Variants in NRXN1 observed in about 807,000 individuals in gnomAD.
NRXN1 encodes neurexin 1.
A neutral mutation model predicts 150.9 loss-of-function variants in NRXN1; 39 were observed. The observed-to-expected ratio is 0.26, with a 90% CI of 0.20 to 0.34. The LOEUF (loss-of-function observed/expected upper bound fraction) is 0.34, where lower values mean the gene tolerates loss of function less well. NRXN1 is among the 10% of genes least tolerant of loss of function. The probability of loss-of-function intolerance (pLI) is 1.00; values close to 1 mark genes in which losing one functional copy is unlikely to be tolerated. For missense variants in NRXN1, 1,815 were observed against 1,949.9 expected, an observed-to-expected ratio of 0.93 and a Z score of 1.30; for synonymous variants, 924 against 757.0, an observed-to-expected ratio of 1.22 and a Z score of -3.62.
At chr2:50,008,545 G>A (rs895940083) in intron 21 of NRXN1, among the ~76,000 whole-genome samples, 3 of 149,726 alleles carry the variant, frequency 2.0e-5, no homozygotes, top group Non-Finnish European at 3.0e-5. Flanking sequence ...CTCACTGTGA[G>A]CTCCGAGGAT....
intron 17 of NRXN1, among the ~76,000 whole-genome samples, chr2:50,360,803 A>C (rs1393802632): frequency 2.0e-5 from 3 of 152,208 alleles, no homozygotes; most frequent in Non-Finnish European, 4.4e-5. Context: ...AAATCAACAG[A>C]ATATACATTC....
intron 8 of NRXN1, chr2:50,589,147 G>A (rs1471481394): frequency 6.6e-6 from 1 of 152,364 alleles, no homozygotes; most frequent in Non-Finnish European, 1.5e-5. Context: ...CAAGGTTGTG[G>A]TCTGTTAATA....
chr2:50,239,305 T>A (rs2065768369), intron 17 of NRXN1, among the ~76,000 whole-genome samples: 2 of 151,832 alleles, frequency 1.3e-5, no homozygotes, highest in East Asian at 1.9e-4. Context: ...TTTCCTTTTT[T>A]AAATTGGCTT....
intron 8 of NRXN1, among the ~76,000 whole-genome samples, chr2:50,573,680 T>C (rs1016847365): frequency 6.6e-6 from 1 of 151,660 alleles, no homozygotes; most frequent in Non-Finnish European, 1.5e-5. Flanking sequence ...TCAAAATATG[T>C]GATGGAGAAT....
chr2:50,146,199 C>A (rs1249517537), intron 18 of NRXN1, among the ~76,000 whole-genome samples: 1 of 151,528 alleles, frequency 6.6e-6, no homozygotes, highest in African/African-American at 2.4e-5. Flanking sequence ...TATGCATTTC[C>A]AAGTAGATTT....
intron 2 of NRXN1, among the ~76,000 whole-genome samples, chr2:51,009,544 T>G (rs545476265): frequency 1.3e-5 from 2 of 151,936 alleles, no homozygotes; most frequent in Admixed American, 1.3e-4. Flanking sequence ...CCATTATGCC[T>G]GCACAAATTT....
intron 5 of NRXN1, among the ~76,000 whole-genome samples, chr2:50,727,214 A>G (rs1256090387): frequency 6.6e-6 from 1 of 152,196 alleles, no homozygotes; most frequent in Non-Finnish European, 1.5e-5. Context: ...GATTATATTT[A>G]ATTTTTTTTC....
At chr2:50,074,003 T>C (rs1303358095) in intron 19 of NRXN1, among the ~76,000 whole-genome samples, 1 of 152,092 alleles carries the variant, frequency 6.6e-6, no homozygotes, top group African/African-American at 2.4e-5. Flanking sequence ...CTGGAAAGTA[T>C]GAGGGTATGA....
chr2:50,892,154 C>A (rs764400848), intron 5 of NRXN1, among the ~76,000 whole-genome samples: 74 of 151,944 alleles, frequency 4.9e-4, no homozygotes, highest in Non-Finnish European at 1.3e-4. Context: ...ACAGGGATTA[C>A]AATAAAGCAG....
intron 2 of NRXN1, among the ~76,000 whole-genome samples, chr2:50,956,549 A>G (rs1176857388): frequency 1.3e-5 from 2 of 151,868 alleles, no homozygotes; most frequent in East Asian, 3.9e-4. Flanking sequence ...AGAGTTCAAA[A>G]CCAGCCTGGC....
chr2:50,607,661 A>G (rs1189376171), intron 8 of NRXN1, among the ~76,000 whole-genome samples: 1 of 152,166 alleles, frequency 6.6e-6, no homozygotes, highest in Non-Finnish European at 1.5e-5. Context: ...ATGATAATTA[A>G]CCAAAGTAAA....
At chr2:50,982,249 A>G (rs1422222064) in intron 2 of NRXN1, among the ~76,000 whole-genome samples, 4 of 152,174 alleles carry the variant, frequency 2.6e-5, no homozygotes, top group Admixed American at 2.6e-4. Flanking sequence ...ATTCAATTGT[A>G]AGACTTTCTG....
At chr2:50,818,445 G>C (rs1025542126) in intron 5 of NRXN1, among the ~76,000 whole-genome samples, 3 of 151,562 alleles carry the variant, frequency 2.0e-5, no homozygotes, top group African/African-American at 7.3e-5. Flanking sequence ...AATAAAATTG[G>C]TTTAATTTTT....
At chr2:50,177,922 G>A (rs1227582500) in intron 18 of NRXN1, among the ~76,000 whole-genome samples, 1 of 151,788 alleles carries the variant, frequency 6.6e-6, no homozygotes, top group African/African-American at 2.4e-5. Flanking sequence ...GCATGGAAGA[G>A]AGAAAGAGAG....
intron 5 of NRXN1, among the ~76,000 whole-genome samples, chr2:50,732,210 A>T (rs1698186532): frequency 6.6e-6 from 1 of 152,158 alleles, no homozygotes; most frequent in Non-Finnish European, 1.5e-5. Context: ...ATATGAAAAA[A>T]ATTGTGTGTT....
intron 17 of NRXN1, among the ~76,000 whole-genome samples, chr2:50,252,563 T>G (rs2067230332): frequency 6.6e-6 from 1 of 152,122 alleles, no homozygotes; most frequent in Non-Finnish European, 1.5e-5. Context: ...CCAGCACATT[T>G]ATATCTTTAA....
At chr2:50,673,560 G>A (rs932750947) in intron 5 of NRXN1, among the ~76,000 whole-genome samples, 6 of 152,182 alleles carry the variant, frequency 3.9e-5, no homozygotes, top group African/African-American at 1.4e-4. Context: ...TAGCAGTGTA[G>A]GAATCATGGC....
At chr2:50,777,325 A>G (rs1358079559) in intron 5 of NRXN1, among the ~76,000 whole-genome samples, 1 of 152,176 alleles carries the variant, frequency 6.6e-6, no homozygotes, top group South Asian at 2.1e-4. Context: ...TTTATGGTAT[A>G]CAATTTTCTA....
intron 17 of NRXN1, among the ~76,000 whole-genome samples, chr2:50,256,124 T>C: frequency 6.6e-6 from 1 of 152,168 alleles, no homozygotes; most frequent in East Asian, 1.9e-4. Flanking sequence ...GCAAATTAGT[T>C]TGCACTCATT....
Sources: allele counts gnomAD v4.1 joint callset (sites outside exome capture counted in the v4.1 genomes callset), GRCh38; gene constraint gnomAD v4.1.1; transcripts MANE v1.5; gene names NCBI Gene and HGNC (gene_info 2026-07-23, HGNC 2026-07-21).